Variants in NRP1 observed in about 807,000 individuals in gnomAD.
The protein encoded by NRP1 is neuropilin 1, also known as neuropilin-1.
Under a neutral mutation model 106.7 loss-of-function variants are expected in NRP1, and 35 were observed. That is an observed-to-expected ratio of 0.33 (90% CI 0.25 to 0.43). NRP1 has a LOEUF of 0.43. NRP1 is among the 20% of genes least tolerant of loss of function. NRP1 has a pLI of 1.00. For missense variants in NRP1, 1,024 were observed against 1,170.4 expected, an observed-to-expected ratio of 0.87 and a Z score of 1.83; for synonymous variants, 437 against 417.9, an observed-to-expected ratio of 1.05 and a Z score of -0.56.
At chr10:33,225,580 C>A (rs1030135976) in intron 7 of NRP1, among the ~76,000 whole-genome samples, 5 of 152,240 alleles carry the variant, frequency 3.3e-5, no homozygotes, top group African/African-American at 7.2e-5. Context: ...GTCTGTGCTG[C>A]CTCCTTGGTT....
At chr10:33,204,933 T>C (rs1161384829) in intron 10 of NRP1, among the ~76,000 whole-genome samples, 1 of 152,118 alleles carries the variant, frequency 6.6e-6, no homozygotes, top group Non-Finnish European at 1.5e-5. Flanking sequence ...GATTTCACCA[T>C]GTTGGCCAGG....
intron 8 of NRP1, among the ~76,000 whole-genome samples, chr10:33,215,820 G>A (rs1403485800): frequency 3.3e-5 from 5 of 152,044 alleles, no homozygotes; most frequent in East Asian, 1.9e-4. Flanking sequence ...TAGAAATTAC[G>A]CACGTCATTT....
intron 2 of NRP1, among the ~76,000 whole-genome samples, chr10:33,283,113 G>A (rs1288142099): frequency 6.6e-6 from 1 of 152,150 alleles, no homozygotes; most frequent in Non-Finnish European, 1.5e-5. Context: ...GACCCTTCCA[G>A]TTTCCTTGAA....
chr10:33,294,356 G>A (rs562083396), intron 2 of NRP1, among the ~76,000 whole-genome samples: 76 of 152,268 alleles, frequency 5.0e-4, no homozygotes, highest in African/African-American at 1.7e-3. Context: ...AGTGGCTCAC[G>A]CCTGTAATCC....
At chr10:33,202,126 TA>T (rs980217930) in intron 11 of NRP1, 1 of 152,368 alleles carries the variant, frequency 6.6e-6, no homozygotes, top group African/African-American at 2.4e-5. Context: ...CAGGGAGCAG[TA>T]AAAGTCCCAC....
At chr10:33,243,932 T>TG (rs1491302357) in intron 6 of NRP1, among the ~76,000 whole-genome samples, 13 of 139,448 alleles carry the variant, frequency 9.3e-5, no homozygotes, top group African/African-American at 3.3e-4. Flanking sequence ...AGGGTAGAGG[T>TG]TTGTGTGTGT....
At chr10:33,312,011 A>G (rs563702034) in intron 2 of NRP1, among the ~76,000 whole-genome samples, 3 of 152,324 alleles carry the variant, frequency 2.0e-5, no homozygotes, top group Admixed American at 2.0e-4. Context: ...AATTAGCTGA[A>G]TAACTTTAGA....
intron 2 of NRP1, among the ~76,000 whole-genome samples, chr10:33,303,832 G>A (rs1845966149): frequency 6.6e-6 from 1 of 152,082 alleles, no homozygotes; most frequent in Non-Finnish European, 1.5e-5. Context: ...ACCCCTTCAA[G>A]GACAATAAAC....
rs930226225 is a variant in NRP1 at position 33,207,554 on chromosome 10, T to A, written c.1759+18A>T. The A allele has an allele frequency of 1.4e-5, 22 of 1,613,286 alleles. No individual in the cohort carries two copies. The highest frequency in any genetic ancestry group is 6.7e-5 in the African/African-American group (5 of 74,812). ...AATTTAAAAACGCATGAGAAGTAAC[T>A]CTGGAGATCATAATTACCTTCCACT... On this transcript the variant is annotated intron_variant, in intron 10 of 16. Coordinates refer to ENST00000374867, the MANE Select transcript of NRP1 (RefSeq NM_003873.7).
chr10:33,322,357 G>C (rs930098024), intron 2 of NRP1, among the ~76,000 whole-genome samples: 6 of 152,056 alleles, frequency 3.9e-5, no homozygotes, highest in Admixed American at 6.5e-5. Flanking sequence ...CTAAGTTAAG[G>C]CAAGTTTTTA....
intron 1 of NRP1, among the ~76,000 whole-genome samples, chr10:33,332,679 T>C (rs1174440613): frequency 6.6e-6 from 1 of 152,196 alleles, no homozygotes; most frequent in East Asian, 1.9e-4. Flanking sequence ...CCATTAGTCC[T>C]AAATAAGGTT....
chr10:33,275,999 C>A (rs1437334895), intron 2 of NRP1, among the ~76,000 whole-genome samples: 1 of 152,108 alleles, frequency 6.6e-6, no homozygotes, highest in African/African-American at 2.4e-5. Flanking sequence ...AGTGAAAAAT[C>A]AGAATATAAA....
intron 8 of NRP1, 80 bp downstream of exon 8, chr10:33,221,639 C>T: frequency 1.4e-6 from 2 of 1,397,910 alleles, no homozygotes; most frequent in Admixed American, 3.4e-5. Flanking sequence ...CTTATTTACC[C>T]TGTATTTAAA....
chr10:33,320,742 G>A (rs897650492), intron 2 of NRP1, among the ~76,000 whole-genome samples: 1 of 152,162 alleles, frequency 6.6e-6, no homozygotes, highest in Admixed American at 6.5e-5. Context: ...TTAAACTAGT[G>A]TTTACATGTG....
chr10:33,270,936 T>C, intron 2 of NRP1, 80 bp from the exon 3 acceptor site: 2 of 1,239,298 alleles, frequency 1.6e-6, no homozygotes, highest in South Asian at 3.3e-5. Flanking sequence ...ACCAGCATCA[T>C]CCAGCATAGT....
rs141232345 is a variant in NRP1 at position 33,302,516 on chromosome 10, G to A, written c.248+28192C>T. On this transcript the variant is annotated intron_variant, in intron 2 of 16. Coordinates refer to ENST00000374867, the MANE Select transcript of NRP1 (RefSeq NM_003873.7). The stretch of plus-strand genomic sequence containing the variant: ...AATTGCCAGCCACTCTTATTTTCCA[G>A]ATGAGATCCTCTGTTGGAGGGTACA... 1.1e-3 allele frequency among the ~76,000 whole-genome samples: 167 copies of A among 152,340 alleles called. 1 individual carries two copies. The highest frequency in any genetic ancestry group is 3.5e-3 in the African/African-American group (146 of 41,574).
chr10:33,256,054 A>C (rs1239357244), intron 5 of NRP1, among the ~76,000 whole-genome samples: 2 of 152,292 alleles, frequency 1.3e-5, no homozygotes, highest in Non-Finnish European at 2.9e-5. Context: ...CATTGTTTCA[A>C]GGCACTATTT....
intron 10 of NRP1, among the ~76,000 whole-genome samples, chr10:33,206,744 A>G (rs1837817536): frequency 6.6e-6 from 1 of 152,238 alleles, no homozygotes; most frequent in Non-Finnish European, 1.5e-5. Context: ...TTACTCAGTT[A>G]TGCCCAAATC....
chr10:33,199,366 T>TATATATA (rs1837053817), intron 11 of NRP1, among the ~76,000 whole-genome samples: 1 of 75,438 alleles, frequency 1.3e-5, no homozygotes, highest in Non-Finnish European at 2.6e-5. Context: ...CTGGCTGTTT[T>TATATATA]CTATATATAT....
Sources: gnomAD v4.1 joint callset for allele counts (sites outside exome capture counted in the v4.1 genomes callset) on GRCh38, gnomAD v4.1.1 for gene constraint, MANE v1.5 for transcripts, NCBI Gene and HGNC (gene_info 2026-07-23, HGNC 2026-07-21) for gene names.